GYS2: variants seen among roughly 807,000 people sequenced by gnomAD.
GYS2 encodes glycogen synthase 2.
A neutral mutation model predicts 85.6 loss-of-function variants in GYS2; 80 were observed. The ratio of observed to expected loss-of-function variants is 0.93; its 90% CI spans 0.78 to 1.13. GYS2 has a LOEUF of 1.13. Ranked by LOEUF, GYS2 falls within the 50% of genes most tolerant of loss-of-function variation. The probability of loss-of-function intolerance (pLI) is 0.00; values close to 1 mark genes in which losing one functional copy is unlikely to be tolerated. For synonymous variants in GYS2, 328 were observed against 300.7 expected (o/e 1.09, Z -0.94); for missense variants, 881 against 854.9 (o/e 1.03, Z -0.38).
intron 1 of GYS2, among the ~76,000 whole-genome samples, chr12:21,593,260 A>G (rs1944659123): frequency 6.7e-6 from 1 of 150,200 alleles, no homozygotes; most frequent in Non-Finnish European, 1.5e-5. Context: ...AGCAGAAGGA[A>G]AGAAAAAATG....
chr12:21,562,954 G>A lies in GYS2; in HGVS notation c.1026C>T (p.Phe342=), dbSNP rs772863341. The change falls in exon 7 of 16, where the codon TTC becomes TTT. Residue 342 remains phenylalanine, a synonymous_variant. Coordinates refer to ENST00000261195, the MANE Select transcript of GYS2 (RefSeq NM_021957.4). The part of the protein sequence containing the change: ...YEFSNKGADI[F]LESLSRLNFL... ...AATTTAGCCTGGATAAGGATTCTAGGAAGATGTCAGCTCCTTTGTTTGAAA... is the reference window on the plus strand; with the variant it reads ...AATTTAGCCTGGATAAGGATTCTAGAAAGATGTCAGCTCCTTTGTTTGAAA... 3 of 1,611,246 alleles carry A rather than the reference G, an allele frequency of 1.9e-6. No homozygotes were observed. Among genetic ancestry groups the A allele is most frequent in the Admixed American group, 1.7e-5 (1 of 59,992 alleles).
chr12:21,579,147 A>G (rs1362495775), intron 2 of GYS2, among the ~76,000 whole-genome samples: 1 of 152,082 alleles, frequency 6.6e-6, no homozygotes, highest in East Asian at 1.9e-4. Context: ...CCTTCTTCAT[A>G]CTTAAAATTC....
chr12:21,534,897 T>G (rs1287916017), downstream of GYS2: 1 of 152,238 alleles, frequency 6.6e-6, no homozygotes, highest in Non-Finnish European at 1.5e-5. Flanking sequence ...ATAAGACCAT[T>G]TATCTATGCA....
intron 7 of GYS2, among the ~76,000 whole-genome samples, chr12:21,561,781 G>A (rs1353585438): frequency 2.0e-5 from 3 of 152,100 alleles, no homozygotes; most frequent in Non-Finnish European, 4.4e-5. Context: ...CTTCAGTTCT[G>A]TTTTGCATAG....
chr12:21,553,706 T>C (rs908567383), intron 11 of GYS2, among the ~76,000 whole-genome samples: 35 of 152,162 alleles, frequency 2.3e-4, no homozygotes, highest in African/African-American at 7.0e-4. Flanking sequence ...AATGGAAAGG[T>C]TGCTGAATAC....
At chr12:21,586,534 C>T (rs1944576473) in intron 1 of GYS2, among the ~76,000 whole-genome samples, 1 of 151,840 alleles carries the variant, frequency 6.6e-6, no homozygotes, top group Admixed American at 6.6e-5. Flanking sequence ...AGACATTTTC[C>T]AAAAGAAGAC....
chr12:21,590,562 G>A (rs1944626397), intron 1 of GYS2, among the ~76,000 whole-genome samples: 1 of 152,082 alleles, frequency 6.6e-6, no homozygotes, highest in African/African-American at 2.4e-5. Flanking sequence ...TCCTGCAGTT[G>A]CTACAGCCAT....
At chr12:21,565,211 A>G (rs183525387) in intron 5 of GYS2, among the ~76,000 whole-genome samples, 1 of 151,758 alleles carries the variant, frequency 6.6e-6, no homozygotes, top group African/African-American at 2.4e-5. Context: ...TGCTGGTAAA[A>G]TTTAACAAAG....
At chr12:21,574,683 T>C (rs917699242) in intron 3 of GYS2, among the ~76,000 whole-genome samples, 11 of 152,104 alleles carry the variant, frequency 7.2e-5, no homozygotes, top group African/African-American at 2.7e-4. Flanking sequence ...CTTAAAGATA[T>C]CACTGAACAG....
chr12:21,535,953 A>G (rs1943905965), downstream of GYS2, among the ~76,000 whole-genome samples: 1 of 152,080 alleles, frequency 6.6e-6, no homozygotes, highest in Non-Finnish European at 1.5e-5. Context: ...ATCACAGAAT[A>G]TGTTGAGACA....
intron 11 of GYS2, among the ~76,000 whole-genome samples, chr12:21,556,635 A>G (rs1211756328): frequency 6.6e-6 from 1 of 152,216 alleles, no homozygotes; most frequent in Admixed American, 6.5e-5. Flanking sequence ...ACTCAAACTC[A>G]ATTAATCAGA....
At chr12:21,544,402 T>C (rs184883615) in intron 12 of GYS2, among the ~76,000 whole-genome samples, 12 of 152,366 alleles carry the variant, frequency 7.9e-5, no homozygotes, top group African/African-American at 2.6e-4. Context: ...AGTTTAACTT[T>C]GCCCTATAAA....
intron 13 of GYS2, among the ~76,000 whole-genome samples, chr12:21,541,158 C>T (rs1943968388): frequency 6.7e-6 from 1 of 149,060 alleles, no homozygotes; most frequent in Non-Finnish European, 1.5e-5. Context: ...GCCCCAGCTA[C>T]TCGGGAGGTT....
chr12:21,567,441 G>A (rs1944334260), intron 5 of GYS2, among the ~76,000 whole-genome samples: 1 of 151,552 alleles, frequency 6.6e-6, no homozygotes, highest in Non-Finnish European at 1.5e-5. Context: ...GAATCCAAGC[G>A]AATTCAAGAG....
At chr12:21,549,152 T>C (rs2136855900) in intron 11 of GYS2, among the ~76,000 whole-genome samples, 2 of 152,312 alleles carry the variant, frequency 1.3e-5, no homozygotes, top group South Asian at 4.1e-4. Context: ...GTGACTAGAA[T>C]AGCTATTTAA....
At chr12:21,534,492 G>A (rs1362912120), downstream of GYS2, among the ~76,000 whole-genome samples, 1 of 151,456 alleles carries the variant, frequency 6.6e-6, no homozygotes, top group East Asian at 1.9e-4. Context: ...ACTCCAGCCT[G>A]GGTGACAGAG....
intron 4 of GYS2, among the ~76,000 whole-genome samples, chr12:21,570,514 C>T (rs979551166): frequency 2.0e-5 from 3 of 152,146 alleles, no homozygotes; most frequent in Non-Finnish European, 2.9e-5. Context: ...AGTGCAAAGA[C>T]GAAGACTTAT....
intron 13 of GYS2, among the ~76,000 whole-genome samples, chr12:21,541,757 G>A (rs1209029272): frequency 6.6e-6 from 1 of 151,978 alleles, no homozygotes; most frequent in Non-Finnish European, 1.5e-5. Context: ...TGTTAGATGG[G>A]TACATTTCAT....
At chr12:21,586,357 G>T (rs1944572938) in intron 1 of GYS2, among the ~76,000 whole-genome samples, 1 of 151,990 alleles carries the variant, frequency 6.6e-6, no homozygotes, top group Admixed American at 6.6e-5. Flanking sequence ...ATGGCCTATT[G>T]TGGGACCTTG....
Sources: allele counts gnomAD v4.1 joint callset (sites outside exome capture counted in the v4.1 genomes callset), GRCh38; gene constraint gnomAD v4.1.1; transcripts MANE v1.5; gene names NCBI Gene and HGNC (gene_info 2026-07-23, HGNC 2026-07-21).